SRGAP1: variants seen among roughly 807,000 people sequenced by gnomAD.
SRGAP1 encodes the protein SLIT-ROBO Rho GTPase-activating protein 1.
In SRGAP1, 43 loss-of-function variants were observed where a neutral mutation model predicts 121.9. That is an observed-to-expected ratio of 0.35 (90% CI 0.28 to 0.46). SRGAP1 has a LOEUF of 0.46. SRGAP1 is among the 20% of genes least tolerant of loss of function. The probability of loss-of-function intolerance (pLI) is 1.00; values close to 1 mark genes in which losing one functional copy is unlikely to be tolerated. For synonymous variants in SRGAP1, 447 were observed against 485.4 expected (o/e 0.92, Z 1.04); for missense variants, 1,102 against 1,350.9 (o/e 0.82, Z 2.89).
At chr12:63,994,752 C>G (rs548693607) in intron 3 of SRGAP1, among the ~76,000 whole-genome samples, 1 of 152,298 alleles carries the variant, frequency 6.6e-6, no homozygotes, top group South Asian at 2.1e-4. Context: ...GGGCTTGTTT[C>G]ATTCTCAACC....
chr12:64,040,112 T>G (rs1353034126), intron 4 of SRGAP1, among the ~76,000 whole-genome samples: 1 of 152,224 alleles, frequency 6.6e-6, no homozygotes, highest in Non-Finnish European at 1.5e-5. Flanking sequence ...TGTTTTACCC[T>G]TCAAAATAGT....
At chr12:64,088,478 C>A (rs2035987262) in intron 11 of SRGAP1, among the ~76,000 whole-genome samples, 1 of 152,132 alleles carries the variant, frequency 6.6e-6, no homozygotes, top group Admixed American at 6.5e-5. Flanking sequence ...ATATTCACAT[C>A]AACCTGACCA....
At chr12:63,929,096 A>G (rs536125018) in intron 1 of SRGAP1, among the ~76,000 whole-genome samples, 1 of 152,294 alleles carries the variant, frequency 6.6e-6, no homozygotes, top group South Asian at 2.1e-4. Context: ...ACATGTGTGT[A>G]CACAATTGTC....
At chr12:64,029,865 G>A (rs2034736865) in intron 4 of SRGAP1, among the ~76,000 whole-genome samples, 1 of 151,670 alleles carries the variant, frequency 6.6e-6, no homozygotes, top group Admixed American at 6.6e-5. Flanking sequence ...CCGAGATCTT[G>A]CCACTGCACT....
chr12:64,111,208 G>T (rs1367644657), intron 16 of SRGAP1, among the ~76,000 whole-genome samples: 2 of 152,128 alleles, frequency 1.3e-5, no homozygotes, highest in African/African-American at 4.8e-5. Context: ...AATGGCTTTT[G>T]TGACACTGGT....
intron 8 of SRGAP1, among the ~76,000 whole-genome samples, chr12:64,067,954 A>G (rs995839728): frequency 6.6e-5 from 10 of 152,066 alleles, no homozygotes; most frequent in Middle Eastern, 3.4e-3. Flanking sequence ...AATTTCACCC[A>G]AGTTTTAAAA....
chr12:64,132,445 G>A (rs1449886756), intron 21 of SRGAP1, among the ~76,000 whole-genome samples: 1 of 152,140 alleles, frequency 6.6e-6, no homozygotes, highest in African/African-American at 2.4e-5. Flanking sequence ...TCGATAAATG[G>A]GCCAGAGTAA....
intron 21 of SRGAP1, among the ~76,000 whole-genome samples, chr12:64,137,961 A>ATATATATATATATATATATAT (rs1555177364): frequency 7.2e-6 from 1 of 139,684 alleles, no homozygotes; most frequent in African/African-American, 2.7e-5. Flanking sequence ...TTAAAAAAAA[A>ATATATATATATATATATATAT]ATATATATAT....
At chr12:64,053,058 A>G (rs2035268442) in intron 6 of SRGAP1, among the ~76,000 whole-genome samples, 1 of 152,244 alleles carries the variant, frequency 6.6e-6, no homozygotes, top group African/African-American at 2.4e-5. Flanking sequence ...CAAATATTGT[A>G]CAGTCTGTTC....
At chr12:64,138,445 ACT>A (rs2036895338) in intron 21 of SRGAP1, among the ~76,000 whole-genome samples, 1 of 114,674 alleles carries the variant, frequency 8.7e-6, no homozygotes. Flanking sequence ...AAATAAATTG[ACT>A]TTTTTTTTTT....
intron 1 of SRGAP1, among the ~76,000 whole-genome samples, chr12:63,864,122 A>ACC (rs1350055958): frequency 1.3e-5 from 2 of 152,270 alleles, no homozygotes; most frequent in South Asian, 2.1e-4. Flanking sequence ...ACTTAATTTA[A>ACC]TAGTATTCTC....
intron 1 of SRGAP1, among the ~76,000 whole-genome samples, chr12:63,974,195 ACT>A (rs1164249706): frequency 6.6e-6 from 1 of 152,036 alleles, no homozygotes; most frequent in Non-Finnish European, 1.5e-5. Flanking sequence ...GTCATTGAAC[ACT>A]CTAATTTATT....
chr12:64,033,568 A>G (rs958167472), intron 4 of SRGAP1, among the ~76,000 whole-genome samples: 1 of 152,052 alleles, frequency 6.6e-6, no homozygotes, highest in Non-Finnish European at 1.5e-5. Context: ...AAACACAAAA[A>G]TTAGCCCAGC....
At chr12:63,966,963 A>G (rs1368099264) in intron 1 of SRGAP1, among the ~76,000 whole-genome samples, 2 of 152,222 alleles carry the variant, frequency 1.3e-5, no homozygotes, top group African/African-American at 4.8e-5. Flanking sequence ...AAGAATTTCC[A>G]TATTCACGTC....
chr12:64,081,137 T>A (rs899589992), intron 10 of SRGAP1: 5 of 152,410 alleles, frequency 3.3e-5, no homozygotes, highest in African/African-American at 1.2e-4. Flanking sequence ...AGTTCCTGTC[T>A]TAAGTGCTTC....
At chr12:64,065,005 A>G (rs2035512155) in intron 7 of SRGAP1, 113 bp from the exon 8 acceptor site, 1 of 698,258 alleles carries the variant, frequency 1.4e-6, no homozygotes, top group Non-Finnish European at 2.3e-6. Context: ...TAAATATGTA[A>G]TTGGAACCTT....
intron 4 of SRGAP1, among the ~76,000 whole-genome samples, chr12:64,017,772 A>G (rs2034443562): frequency 6.6e-6 from 1 of 151,988 alleles, no homozygotes; most frequent in Non-Finnish European, 1.5e-5. Context: ...ATGACATATT[A>G]AAACTACTTT....
chr12:64,139,757 T>C (rs2036926874), intron 21 of SRGAP1, among the ~76,000 whole-genome samples: 1 of 151,986 alleles, frequency 6.6e-6, no homozygotes, highest in Non-Finnish European at 1.5e-5. Flanking sequence ...TAGATCCCAT[T>C]TGTCAATTTT....
chr12:63,974,075 G>A (rs1428088245), intron 1 of SRGAP1, among the ~76,000 whole-genome samples: 1 of 152,126 alleles, frequency 6.6e-6, no homozygotes. Context: ...TAATTATGGG[G>A]AAGTTAATGA....
Sources: gnomAD v4.1 joint callset for allele counts (sites outside exome capture counted in the v4.1 genomes callset) on GRCh38, gnomAD v4.1.1 for gene constraint, MANE v1.5 for transcripts, NCBI Gene and HGNC (gene_info 2026-07-23, HGNC 2026-07-21) for gene names.